OLFML1: variants seen among roughly 807,000 people sequenced by gnomAD.
The protein encoded by OLFML1 is olfactomedin-like protein 1.
OLFML1 carries 33 observed loss-of-function variants against 37.3 expected under a neutral mutation model. The ratio of observed to expected loss-of-function variants is 0.88; its 90% confidence interval spans 0.67 to 1.18. The LOEUF is 1.18. Among genes scored for constraint, OLFML1 ranks in the 50% most tolerant of loss-of-function variants. The pLI, the probability that OLFML1 is intolerant of heterozygous loss-of-function variation, is 0.00. For missense variants in OLFML1, 545 were observed against 483.7 expected, an observed-to-expected ratio of 1.13 and a Z score of -1.19; for synonymous variants, 186 against 181.3, an observed-to-expected ratio of 1.03 and a Z score of -0.21.
chr11:7,501,314 T>C (rs898986221), intron 2 of OLFML1, among the ~76,000 whole-genome samples: 1 of 152,202 alleles, frequency 6.6e-6, no homozygotes, highest in African/African-American at 2.4e-5. Context: ...TGTTAGCGGC[T>C]CCTGCAATGC....
chr11:7,503,239 G>C (rs1229039306), intron 2 of OLFML1, among the ~76,000 whole-genome samples: 1 of 152,180 alleles, frequency 6.6e-6, no homozygotes, highest in Non-Finnish European at 1.5e-5. Context: ...GGATGATTCA[G>C]AAAGTGATTG....
At chr11:7,498,359 G>A (rs925756303) in intron 2 of OLFML1, among the ~76,000 whole-genome samples, 1 of 152,160 alleles carries the variant, frequency 6.6e-6, no homozygotes. Flanking sequence ...AAACTTGCGG[G>A]AAGCCATGGC....
chr11:7,505,267 G>A (rs1439190986), intron 2 of OLFML1, among the ~76,000 whole-genome samples: 1 of 151,952 alleles, frequency 6.6e-6, no homozygotes, highest in African/African-American at 2.4e-5. Flanking sequence ...CCCTTTCAAA[G>A]GATTTGAAGG....
chr11:7,510,332 C>A lies in OLFML1; in HGVS notation c.*144C>A. 1 of 659,532 alleles carries A rather than the reference C, an allele frequency of 1.5e-6. No individual in the cohort carries two copies. The highest frequency in any genetic ancestry group is 2.5e-6 in the Non-Finnish European group (1 of 394,482). The allele number at this position is 659,532 out of a possible 1,614,324, so 40.9% of individuals were successfully genotyped here. On this transcript the variant is annotated 3_prime_UTR_variant, in exon 3 of 3. Transcript: ENST00000329293. ...AGTGGAAATACGTATGCCTCCTTTC[C>A]CAAATGTCACTGCCTTAGGTATCTT...
chr11:7,488,367 C>T lies in OLFML1; in HGVS notation c.370C>T (p.Leu124Phe), dbSNP rs563324488. 1 of 1,614,020 alleles carries T rather than the reference C, an allele frequency of 6.2e-7. No homozygotes were observed. The highest frequency in any genetic ancestry group is 1.1e-5 in the South Asian group (1 of 91,052). Residue 124 changes from leucine (L) to phenylalanine (F), a missense_variant, in exon 2 of 3, where the codon CTC becomes TTC. Transcript: ENST00000329293. ...SEDKTLAEML[L>F]QEAEEEKKIR... is the part of the protein sequence containing the mutation. Reference sequence around the variant, plus strand: ...GGACAAGACACTGGCAGAAATGTTGCTCCAAGAAGCTGAAGAAGAGAAAAA... The same window carrying T: ...GGACAAGACACTGGCAGAAATGTTGTTCCAAGAAGCTGAAGAAGAGAAAAA...
chr11:7,488,402 T>C lies in OLFML1; in HGVS notation c.405T>C (p.Thr135=). 6.2e-7 allele frequency: 1 copy of C among 1,612,578 alleles called. No homozygotes were observed. Among genetic ancestry groups the C allele is most frequent in the Non-Finnish European group, 8.5e-7 (1 of 1,179,264 alleles). The change falls in exon 2 of 3, where the codon ACT becomes ACC. Residue 135 remains threonine (T), a synonymous_variant. Transcript: ENST00000329293. ...CTGAAGAAGAGAAAAAGATCCGGACTCTGCTGAATGCAAGTAAGAAAACTG... is the reference window on the plus strand; with the variant it reads ...CTGAAGAAGAGAAAAAGATCCGGACCCTGCTGAATGCAAGTAAGAAAACTG... ...QEAEEEKKIR[T]LLNASCDNML...
intron 2 of OLFML1, among the ~76,000 whole-genome samples, chr11:7,494,413 A>G (rs181897249): frequency 6.6e-6 from 1 of 152,278 alleles, no homozygotes; most frequent in Admixed American, 6.5e-5. Context: ...TCACTGGACT[A>G]TGTCATGCAA....
intron 2 of OLFML1, among the ~76,000 whole-genome samples, chr11:7,500,258 C>T (rs955632072): frequency 6.6e-6 from 1 of 152,194 alleles, no homozygotes; most frequent in Non-Finnish European, 1.5e-5. Context: ...TGCTCTTAGA[C>T]ATAGTCCCTC....
intron 2 of OLFML1, among the ~76,000 whole-genome samples, chr11:7,500,098 G>A (rs1848703359): frequency 6.6e-6 from 1 of 152,154 alleles, no homozygotes; most frequent in South Asian, 2.1e-4. Flanking sequence ...TCACTATGTT[G>A]CGCACATTGG....
In OLFML1 at chr11:7,510,517, C is replaced by G. The variant is rs1320715343; in HGVS notation, c.*329C>G. ...CATTTACTGTAACTCTGCCATCTTC[C>G]CTCCCACAATTAGAGTTGTATGCCA... is the stretch of plus-strand genomic sequence containing the variant. On this transcript the variant is annotated 3_prime_UTR_variant, in exon 3 of 3. Coordinates refer to ENST00000329293, the MANE Select transcript of OLFML1 (RefSeq NM_198474.4). The G allele has an allele frequency of 8.7e-6, 2 of 230,216 alleles. No individual in the cohort carries two copies. The highest frequency in any genetic ancestry group is 1.8e-4 in the East Asian group (2 of 10,820). 14.3% of individuals were successfully genotyped at this position (230,216 alleles called of 1,614,324 possible).
intron 2 of OLFML1, among the ~76,000 whole-genome samples, chr11:7,493,197 G>A (rs370781550): frequency 1.3e-3 from 197 of 152,238 alleles, no homozygotes; most frequent in African/African-American, 4.0e-3. Flanking sequence ...TCACCCTGCC[G>A]AATTAAATAA....
rs147179287 is a variant in OLFML1, at chr11:7,509,519, A to C, written c.540A>C (p.Gly180=). The change falls in exon 3 of 3, where the codon GGA becomes GGC. Residue 180 remains glycine, a synonymous_variant. Transcript: ENST00000329293. ...CTCCAAAGGTGTACTTATTAATTGG[A>C]TCCAGAAACAACACTGTTTGGGAAT... is the stretch of plus-strand genomic sequence containing the variant. The part of the protein sequence containing the change: ...YNSPKVYLLI[G]SRNNTVWEFA... 35,589 of 1,614,166 alleles carry C rather than the reference A, an allele frequency of 0.022. 488 individuals carry two copies. The highest frequency in any genetic ancestry group is 0.03 in the Middle Eastern group (181 of 6,062).
Position 7,509,759 on chromosome 11 carries a change from G to A in OLFML1, c.780G>A (p.Leu260=). The A allele has an allele frequency of 6.2e-7, 1 of 1,614,246 alleles. No individual in the cohort carries two copies. The highest frequency in any genetic ancestry group is 8.5e-7 in the Non-Finnish European group (1 of 1,180,044). The change falls in exon 3 of 3, where the codon TTG becomes TTA. Residue 260 remains leucine (L), a synonymous_variant. Coordinates refer to ENST00000329293, the MANE Select transcript of OLFML1 (RefSeq NM_198474.4). ...TCCCAGGAGGGGTAGGCCGAGCATT[G>A]GTTTACCAGCACTCCCCCTCAACTT... ...MLLPGGVGRA[L]VYQHSPSTYI... is the part of the protein sequence containing the mutation.
At chr11:7,501,882 A>C (rs1590061970) in intron 2 of OLFML1, among the ~76,000 whole-genome samples, 1 of 152,338 alleles carries the variant, frequency 6.6e-6, no homozygotes, top group African/African-American at 2.4e-5. Flanking sequence ...TCACTGAGTT[A>C]GGCATTGGGA....
chr11:7,503,205 T>C (rs1848743789), intron 2 of OLFML1, among the ~76,000 whole-genome samples: 1 of 152,148 alleles, frequency 6.6e-6, no homozygotes, highest in Admixed American at 6.5e-5. Context: ...TATTTAGAAC[T>C]TCCATGGTCT....
chr11:7,501,123 A>G (rs927064986), intron 2 of OLFML1, among the ~76,000 whole-genome samples: 7 of 152,156 alleles, frequency 4.6e-5, no homozygotes, highest in East Asian at 1.9e-4. Context: ...CTCGTCCTCT[A>G]TGATCAGCAT....
chr11:7,493,215 C>A (rs1848620681), intron 2 of OLFML1, among the ~76,000 whole-genome samples: 2 of 152,192 alleles, frequency 1.3e-5, no homozygotes, highest in African/African-American at 4.8e-5. Context: ...TAACTCATAT[C>A]TTTTGTTAGA....
chr11:7,486,494 C>T (rs7945609), intron 1 of OLFML1, among the ~76,000 whole-genome samples: 21,448 of 152,166 alleles, frequency 0.14, 1,910 homozygotes, highest in African/African-American at 0.24. Context: ...TGTAAAAAGT[C>T]ATGATATCAA....
At position 7,510,047 on chromosome 11, in the gene OLFML1, G is replaced by T. The variant is rs746209945; in HGVS notation, c.1068G>T (p.Leu356Phe). 6.2e-7 allele frequency: 1 copy of T among 1,614,232 alleles called. No individual in the cohort carries two copies. Among genetic ancestry groups the T allele is most frequent in the Non-Finnish European group, 8.5e-7 (1 of 1,180,050 alleles). The change falls in exon 3 of 3, where the codon TTG (leucine) becomes TTT (phenylalanine). Residue 356 changes from leucine (L) to phenylalanine (F), a missense_variant. Coordinates refer to ENST00000329293, the MANE Select transcript of OLFML1 (RefSeq NM_198474.4). Reference sequence around the variant, plus strand: ...TGGGCACTATCAGTGAGGAGGACTTGCCCAACTTGTTCTTCCCCAAGAGAC... The same window carrying T: ...TGGGCACTATCAGTGAGGAGGACTTTCCCAACTTGTTCTTCCCCAAGAGAC... ...DPLGTISEEDLPNLFFPKRPR... is the reference protein window; with the variant it reads ...DPLGTISEEDFPNLFFPKRPR...
Sources: gnomAD v4.1 joint callset for allele counts (sites outside exome capture counted in the v4.1 genomes callset) on GRCh38, gnomAD v4.1.1 for gene constraint, MANE v1.5 for transcripts, NCBI Gene and HGNC (gene_info 2026-07-23, HGNC 2026-07-21) for gene names.